Variants in ARFGEF2 observed in about 807,000 individuals in gnomAD.
The protein encoded by ARFGEF2 is ARF guanine nucleotide exchange factor 2, also known as brefeldin A-inhibited guanine nucleotide-exchange protein 2.
Under a neutral mutation model 219.9 loss-of-function variants are expected in ARFGEF2, and 74 were observed. The observed-to-expected ratio is 0.34, with a 90% CI of 0.28 to 0.41. The LOEUF (loss-of-function observed/expected upper bound fraction) is 0.41, where lower values mean the gene tolerates loss of function less well. ARFGEF2 is among the 10% of genes least tolerant of loss of function. ARFGEF2 has a pLI of 1.00. For synonymous variants in ARFGEF2, 733 were observed against 799.2 expected, an observed-to-expected ratio of 0.92 and a Z score of 1.40; for missense variants, 1,743 against 2,218.3, an observed-to-expected ratio of 0.79 and a Z score of 4.30.
At chr20:48,970,385 C>T (rs934670454) in intron 9 of ARFGEF2, among the ~76,000 whole-genome samples, 27 of 151,698 alleles carry the variant, frequency 1.8e-4, no homozygotes, top group African/African-American at 6.0e-4. Flanking sequence ...CCGAGGCGGG[C>T]GGATCATGAG....
At chr20:49,030,649 C>T (rs1438815344) in intron 37 of ARFGEF2, among the ~76,000 whole-genome samples, 1 of 152,066 alleles carries the variant, frequency 6.6e-6, no homozygotes, top group East Asian at 1.9e-4. Flanking sequence ...ACCAATGGCT[C>T]ATTTCAGCTT....
At position 48,954,661 on chromosome 20, in the gene ARFGEF2, A is replaced by G. The variant is rs118083604; in HGVS notation, c.838+871A>G. ...GTTTTATTCCTTTATAATTTACCAG[A>G]CTGCTTGATGTACATGAGAACAGAC... On this transcript the variant is annotated intron_variant, in intron 6 of 38. Transcript: ENST00000371917. Among the ~76,000 whole-genome samples the G allele has an allele frequency of 5.8e-4, 88 of 152,316 alleles. 2 individuals carry two copies. The East Asian group carries it at 0.016, about 28-fold the overall frequency.
chr20:49,026,627 C>T (rs2091605148), intron 36 of ARFGEF2, among the ~76,000 whole-genome samples: 1 of 150,014 alleles, frequency 6.7e-6, no homozygotes, highest in Non-Finnish European at 1.5e-5. Flanking sequence ...ACTCTGTTGC[C>T]CAGGCTGGAG....
chr20:48,980,883 C>T (rs1391700201), intron 14 of ARFGEF2, among the ~76,000 whole-genome samples: 3 of 152,098 alleles, frequency 2.0e-5, no homozygotes, highest in Admixed American at 6.5e-5. Context: ...TGTCTCTGCA[C>T]GTGAGATGGG....
intron 9 of ARFGEF2, among the ~76,000 whole-genome samples, chr20:48,970,644 A>T (rs1331999921): frequency 6.6e-6 from 1 of 152,170 alleles, no homozygotes; most frequent in Non-Finnish European, 1.5e-5. Context: ...AATAAAATAA[A>T]AATAAGTGTT....
intron 1 of ARFGEF2, among the ~76,000 whole-genome samples, chr20:48,939,382 G>A (rs1275526789): frequency 6.6e-6 from 1 of 152,122 alleles, no homozygotes; most frequent in Non-Finnish European, 1.5e-5. Context: ...ACTCTAACAA[G>A]GTAATGGTGA....
intron 3 of ARFGEF2, among the ~76,000 whole-genome samples, chr20:48,944,307 A>G (rs1293006967): frequency 3.9e-5 from 6 of 152,148 alleles, no homozygotes; most frequent in African/African-American, 1.4e-4. Context: ...GAGTGCTGAT[A>G]ATGTAATTGA....
chr20:49,027,030 C>G (rs1187001460), intron 36 of ARFGEF2, among the ~76,000 whole-genome samples: 1 of 151,750 alleles, frequency 6.6e-6, no homozygotes, highest in Non-Finnish European at 1.5e-5. Context: ...TTGCATATCT[C>G]TTAAGCTGAT....
intron 1 of ARFGEF2, among the ~76,000 whole-genome samples, chr20:48,938,875 T>TTA (rs911839101): frequency 4.6e-4 from 70 of 152,124 alleles, no homozygotes; most frequent in African/African-American, 1.6e-3. Flanking sequence ...TTCTTTGATC[T>TTA]TACACCCACC....
chr20:48,938,089 G>A (rs1172241547), intron 1 of ARFGEF2, among the ~76,000 whole-genome samples: 1 of 152,170 alleles, frequency 6.6e-6, no homozygotes, highest in Non-Finnish European at 1.5e-5. Context: ...GATTTTCTGG[G>A]TTTAAGTCCC....
At chr20:48,993,825 T>C (rs2091370739) in intron 21 of ARFGEF2, among the ~76,000 whole-genome samples, 1 of 152,190 alleles carries the variant, frequency 6.6e-6, no homozygotes, top group South Asian at 2.1e-4. Flanking sequence ...ATTCCTTCAG[T>C]TAAACCAATT....
rs530005677 is a variant in ARFGEF2, at chr20:48,948,599, A to G, written c.277-2724A>G. Reference sequence around the variant, plus strand: ...GGATAACTTGTAATACAGCTTACTTACCCTAACCTCTGTTTATTACAGTAC... The same window carrying G: ...GGATAACTTGTAATACAGCTTACTTGCCCTAACCTCTGTTTATTACAGTAC... On this transcript the variant is annotated intron_variant, in intron 3 of 38. Coordinates refer to ENST00000371917, the MANE Select transcript of ARFGEF2 (RefSeq NM_006420.3). Among the ~76,000 whole-genome samples, 107 of 152,304 alleles carry G rather than the reference A, an allele frequency of 7.0e-4. 2 individuals carry two copies. The South Asian group carries it at 0.021, about 30-fold the overall frequency.
At chr20:49,014,887 G>A (rs2123530670) in intron 30 of ARFGEF2, among the ~76,000 whole-genome samples, 1 of 152,226 alleles carries the variant, frequency 6.6e-6, no homozygotes, top group African/African-American at 2.4e-5. Context: ...AAACAAAGAA[G>A]AATTTAAACA....
intron 20 of ARFGEF2, among the ~76,000 whole-genome samples, chr20:48,990,413 A>G (rs2091351194): frequency 6.6e-6 from 1 of 152,248 alleles, no homozygotes; most frequent in Non-Finnish European, 1.5e-5. Context: ...GAAAAGTTCA[A>G]GCAAATAAAT....
chr20:49,004,857 A>G (rs1238212440), intron 25 of ARFGEF2, among the ~76,000 whole-genome samples: 1 of 152,220 alleles, frequency 6.6e-6, no homozygotes, highest in African/African-American at 2.4e-5. Context: ...TTTTAAATGC[A>G]TATTTAATTA....
chr20:48,960,848 G>A (rs1208345702), intron 6 of ARFGEF2, among the ~76,000 whole-genome samples: 7 of 150,694 alleles, frequency 4.6e-5, no homozygotes, highest in African/African-American at 9.7e-5. Context: ...TTGGGAGGCC[G>A]AGGCAGGCAG....
chr20:49,025,513 C>T (rs746977429), intron 36 of ARFGEF2, 32 bp downstream of exon 36: 3 of 1,612,508 alleles, frequency 1.9e-6, no homozygotes, highest in Non-Finnish European at 2.5e-6. Context: ...GATAGATGGC[C>T]ACACTGGTCA....
At chr20:49,022,214 T>C (rs1600554308) in intron 34 of ARFGEF2, among the ~76,000 whole-genome samples, 1 of 134,596 alleles carries the variant, frequency 7.4e-6, no homozygotes, top group South Asian at 2.3e-4. Flanking sequence ...CTAAGAGGAA[T>C]AAAAGACCAC....
intron 21 of ARFGEF2, among the ~76,000 whole-genome samples, chr20:48,994,232 G>A (rs1044147252): frequency 2.0e-5 from 3 of 152,138 alleles, no homozygotes; most frequent in African/African-American, 4.8e-5. Context: ...AGGTGGGGGT[G>A]ACTAAATGAT....
Sources: allele counts gnomAD v4.1 joint callset (sites outside exome capture counted in the v4.1 genomes callset), GRCh38; gene constraint gnomAD v4.1.1; transcripts MANE v1.5; gene names NCBI Gene and HGNC (gene_info 2026-07-23, HGNC 2026-07-21).